The following DLGAP2 variants were observed in gnomAD, a reference collection of about 807,000 sequenced individuals.
DLGAP2 encodes disks large-associated protein 2.
Under a neutral mutation model 100.3 loss-of-function variants are expected in DLGAP2, and 26 were observed. The ratio of observed to expected loss-of-function variants is 0.26; its 90% CI spans 0.19 to 0.36. The LOEUF (loss-of-function observed/expected upper bound fraction) is 0.36. Ranked by LOEUF, DLGAP2 falls within the 10% of genes least tolerant of loss-of-function variation. The pLI, the probability that DLGAP2 is intolerant of heterozygous loss-of-function variation, is 1.00. For missense variants in DLGAP2, 1,858 were observed against 1,453.2 expected, an observed-to-expected ratio of 1.28 and a Z score of -4.53; for synonymous variants, 886 against 630.1, an observed-to-expected ratio of 1.41 and a Z score of -6.08.
intron 1 of DLGAP2, among the ~76,000 whole-genome samples, chr8:848,297 C>A (rs1048152425): frequency 6.6e-6 from 1 of 151,578 alleles, no homozygotes; most frequent in Non-Finnish European, 1.5e-5. Flanking sequence ...AATATAGAAA[C>A]GTGCGGTGCC....
At chr8:813,582 C>G (rs898803324) in intron 1 of DLGAP2, among the ~76,000 whole-genome samples, 1 of 152,110 alleles carries the variant, frequency 6.6e-6, no homozygotes, top group African/African-American at 2.4e-5. Context: ...GGAAGGTAAA[C>G]TGATATGGAA....
At chr8:1,478,317 A>G (rs1334047518) in intron 3 of DLGAP2, among the ~76,000 whole-genome samples, 1 of 152,166 alleles carries the variant, frequency 6.6e-6, no homozygotes, top group African/African-American at 2.4e-5. Context: ...GAGGACACAT[A>G]CAGGCATGAA....
intron 3 of DLGAP2, among the ~76,000 whole-genome samples, chr8:1,291,944 C>T (rs778628016): frequency 1.3e-5 from 2 of 152,174 alleles, no homozygotes; most frequent in Non-Finnish European, 2.9e-5. Context: ...CTCTTAATCA[C>T]ACAATCCAGG....
chr8:957,135 T>G (rs980345891), intron 2 of DLGAP2, among the ~76,000 whole-genome samples: 1 of 152,146 alleles, frequency 6.6e-6, no homozygotes, highest in Non-Finnish European at 1.5e-5. Flanking sequence ...GTTGGAAACA[T>G]GGGGAATGAG....
Position 1,668,313 on chromosome 8 carries a change from C to CT in DLGAP2, c.1811-13dup, listed in dbSNP as rs1354954061. 2 of 1,466,856 alleles carry CT rather than the reference C, an allele frequency of 1.4e-6. No homozygotes were observed. The highest frequency in any genetic ancestry group is 1.8e-6 in the Non-Finnish European group (2 of 1,107,358). 90.9% of individuals were successfully genotyped at this position (1,466,856 alleles called of 1,614,324 possible). A position where few individuals can be genotyped will look rare whatever the true frequency, so the allele number is the denominator to read the frequency against. ...GAAGAACACGCCTGTTGACTTGGGA[C>CT]TTTCTTTTCTTACAGCTGTCTCATA... On this transcript the variant is annotated splice_polypyrimidine_tract_variant and intron_variant, in intron 8 of 14. Coordinates refer to ENST00000637795, the MANE Select transcript of DLGAP2 (RefSeq NM_001346810.2).
At chr8:764,204 G>A (rs779587486) in intron 1 of DLGAP2, among the ~76,000 whole-genome samples, 2 of 152,188 alleles carry the variant, frequency 1.3e-5, no homozygotes, top group African/African-American at 4.8e-5. Context: ...CCTCATTTTG[G>A]CAATGAAGAG....
At chr8:1,188,058 A>G (rs868716419) in intron 2 of DLGAP2, among the ~76,000 whole-genome samples, 136 of 69,784 alleles carry the variant, frequency 1.9e-3, no homozygotes, top group Middle Eastern at 0.012. Flanking sequence ...AATCTCACAC[A>G]CCCGGGACCT....
chr8:803,014 T>C lies in DLGAP2; in HGVS notation c.18+65189T>C, dbSNP rs185590803. 2.8e-3 allele frequency among the ~76,000 whole-genome samples: 429 copies of C among 152,302 alleles called. 2 individuals carry two copies. Among genetic ancestry groups the C allele is most frequent in the African/African-American group, 1.0e-2 (414 of 41,558 alleles). ...ATTTCTTGGGACCTTAAATCCTCTC[T>C]AGGGTTTGAGTAAGGTGAGAAGAGG... On this transcript the variant is annotated intron_variant, in intron 1 of 14. Transcript: ENST00000637795.
At chr8:1,101,119 G>A (rs1804564708) in intron 2 of DLGAP2, among the ~76,000 whole-genome samples, 1 of 152,228 alleles carries the variant, frequency 6.6e-6, no homozygotes, top group South Asian at 2.1e-4. Flanking sequence ...TCTGATGTTA[G>A]CAATTTGAAT....
intron 2 of DLGAP2, among the ~76,000 whole-genome samples, chr8:955,161 A>T (rs996965479): frequency 6.6e-5 from 10 of 152,048 alleles, no homozygotes; most frequent in African/African-American, 2.4e-4. Context: ...CTTCATGCTC[A>T]TGGAAGCTCA....
chr8:910,187 G>A (rs1400103911), intron 2 of DLGAP2, among the ~76,000 whole-genome samples: 1 of 152,176 alleles, frequency 6.6e-6, no homozygotes, highest in Non-Finnish European at 1.5e-5. Context: ...CATTACGGGT[G>A]CTTGACCACA....
chr8:1,523,502 T>G (rs1800682020), intron 4 of DLGAP2, among the ~76,000 whole-genome samples: 1 of 152,170 alleles, frequency 6.6e-6, no homozygotes, highest in African/African-American at 2.4e-5. Flanking sequence ...GCTGTGGAGC[T>G]GTGCCTTAGA....
chr8:1,634,314 C>T (rs1797718903), intron 8 of DLGAP2, among the ~76,000 whole-genome samples: 2 of 152,180 alleles, frequency 1.3e-5, no homozygotes, highest in Non-Finnish European at 2.9e-5. Flanking sequence ...CACCACTGAG[C>T]CGGGGGCTTC....
At chr8:1,031,372 G>A (rs1372349720) in intron 2 of DLGAP2, among the ~76,000 whole-genome samples, 1 of 152,036 alleles carries the variant, frequency 6.6e-6, no homozygotes, top group Non-Finnish European at 1.5e-5. Flanking sequence ...GACTGACATC[G>A]AGATTTCTTG....
chr8:1,554,114 C>T (rs148525125), intron 5 of DLGAP2, among the ~76,000 whole-genome samples: 1 of 152,062 alleles, frequency 6.6e-6, no homozygotes, highest in African/African-American at 2.4e-5. Flanking sequence ...ATGGCAAAAC[C>T]CTGTTTCTAC....
Position 1,083,288 on chromosome 8 carries a change from C to A in DLGAP2, c.73+175322C>A, listed in dbSNP as rs575567440. Among the ~76,000 whole-genome samples, 25 of 152,310 alleles carry A rather than the reference C, an allele frequency of 1.6e-4. No homozygotes were observed. In the East Asian group the frequency reaches 2.9e-3, roughly 18 times the overall value. On this transcript the variant is annotated intron_variant, in intron 2 of 14. Coordinates refer to ENST00000637795, the MANE Select transcript of DLGAP2 (RefSeq NM_001346810.2). ...CCGGTTCCTAGTGACCAAGGCCAAG[C>A]GTGGGACATGAGCTTTGCTTTTTAA...
intron 1 of DLGAP2, among the ~76,000 whole-genome samples, chr8:761,446 C>T (rs190211292): frequency 7.9e-5 from 12 of 152,312 alleles, no homozygotes; most frequent in South Asian, 2.1e-4. Context: ...ACGTTATTCA[C>T]GTAATAATGG....
chr8:1,474,069 T>C (rs540407586), intron 3 of DLGAP2, among the ~76,000 whole-genome samples: 4 of 152,326 alleles, frequency 2.6e-5, no homozygotes, highest in East Asian at 1.9e-4. Context: ...AAGTCCATTG[T>C]ATCATTCTTA....
intron 2 of DLGAP2, among the ~76,000 whole-genome samples, chr8:1,204,115 AAAGG>A (rs1797939668): frequency 6.6e-6 from 1 of 152,248 alleles, no homozygotes; most frequent in African/African-American, 2.4e-5. Context: ...GCATCTCTGA[AAAGG>A]TTGCCATACA....
Sources: gnomAD v4.1 joint callset for allele counts (sites outside exome capture counted in the v4.1 genomes callset) on GRCh38, gnomAD v4.1.1 for gene constraint, MANE v1.5 for transcripts, NCBI Gene and HGNC (gene_info 2026-07-23, HGNC 2026-07-21) for gene names.